NBAS: variants seen among roughly 807,000 people sequenced by gnomAD.
NBAS encodes NAG/BC035112 fusion.
Under a neutral mutation model 302.5 loss-of-function variants are expected in NBAS, and 219 were observed. The observed-to-expected ratio is 0.72, with a 90% CI of 0.65 to 0.81. The LOEUF is 0.81. Among genes scored for constraint, NBAS ranks in the 30% least tolerant of loss-of-function variants. NBAS has a pLI of 0.00. For missense variants in NBAS, 2,932 were observed against 2,841.6 expected, an observed-to-expected ratio of 1.03 and a Z score of -0.72; for synonymous variants, 1,118 against 1,021.6, an observed-to-expected ratio of 1.09 and a Z score of -1.80.
downstream of NBAS, among the ~76,000 whole-genome samples, chr2:15,163,548 T>C (rs1050007431): frequency 2.0e-5 from 3 of 152,192 alleles, no homozygotes; most frequent in African/African-American, 7.2e-5. Flanking sequence ...TTCTGATATG[T>C]AGTCATGACT....
rs193300002 is a variant in NBAS, at chr2:15,404,068, C to A, written c.2938-1767G>T. Among the ~76,000 whole-genome samples, 162 of 152,048 alleles carry A rather than the reference C, an allele frequency of 1.1e-3. 1 individual carries two copies. Among genetic ancestry groups the A allele is most frequent in the African/African-American group, 3.6e-3 (150 of 41,472 alleles). Reference sequence around the variant, plus strand: ...CTGATTTCTTATTGTGTGCCAGGTACCATTTCTAAGTGTTTTGTGTGCACT... The same window carrying A: ...CTGATTTCTTATTGTGTGCCAGGTAACATTTCTAAGTGTTTTGTGTGCACT... On this transcript the variant is annotated intron_variant, in intron 25 of 51. Coordinates refer to ENST00000281513, the MANE Select transcript of NBAS (RefSeq NM_015909.4).
chr2:15,400,567 T>C (rs1205278103), intron 26 of NBAS, among the ~76,000 whole-genome samples: 4 of 151,990 alleles, frequency 2.6e-5, no homozygotes, highest in Non-Finnish European at 4.4e-5. Flanking sequence ...TTAAAGGAGG[T>C]AGGCAAAGAC....
At chr2:15,451,051 CATTT>C (rs1459763924) in intron 21 of NBAS, among the ~76,000 whole-genome samples, 1 of 151,778 alleles carries the variant, frequency 6.6e-6, no homozygotes, top group Non-Finnish European at 1.5e-5. Flanking sequence ...TTCATTCATC[CATTT>C]ATTTATTTAT....
intron 11 of NBAS, among the ~76,000 whole-genome samples, chr2:15,500,361 T>C (rs529922290): frequency 6.6e-6 from 1 of 152,244 alleles, no homozygotes; most frequent in East Asian, 1.9e-4. Context: ...AAGTATTTAT[T>C]GAATATTATA....
At chr2:15,199,126 C>CAA (rs71400641) in intron 48 of NBAS, among the ~76,000 whole-genome samples, 21,126 of 74,782 alleles carry the variant, frequency 0.28, 3,214 homozygotes, top group East Asian at 0.63. Flanking sequence ...GACTCCATCT[C>CAA]AAAAAAAAAA....
intron 24 of NBAS, among the ~76,000 whole-genome samples, chr2:15,416,737 T>C (rs1348952450): frequency 1.4e-5 from 2 of 146,382 alleles, no homozygotes; most frequent in Non-Finnish European, 3.0e-5. Flanking sequence ...ACCCAGGAGA[T>C]GGAGGTTACA....
chr2:15,400,407 T>C (rs543105430), intron 26 of NBAS, among the ~76,000 whole-genome samples: 1 of 152,230 alleles, frequency 6.6e-6, no homozygotes, highest in Admixed American at 6.5e-5. Context: ...AGTTCCGCAG[T>C]ATAAACAATA....
chr2:15,013,673 A>G, the NBAS span, among the ~76,000 whole-genome samples: 3 of 152,144 alleles, frequency 2.0e-5, no homozygotes, highest in Middle Eastern at 3.4e-3. Flanking sequence ...AATCTCATCT[A>G]CTCAGGAGGC....
At chr2:15,289,428 T>C (rs999122060) in intron 41 of NBAS, among the ~76,000 whole-genome samples, 1 of 152,182 alleles carries the variant, frequency 6.6e-6, no homozygotes, top group Non-Finnish European at 1.5e-5. Context: ...AAGTATTTAT[T>C]TGAGTACCTA....
At chr2:15,333,554 T>C (rs1672444819) in intron 35 of NBAS, among the ~76,000 whole-genome samples, 1 of 152,114 alleles carries the variant, frequency 6.6e-6, no homozygotes, top group Admixed American at 6.6e-5. Flanking sequence ...GCGACTGAAT[T>C]GAGGTAGTGA....
intron 50 of NBAS, among the ~76,000 whole-genome samples, chr2:15,184,225 T>C (rs1211557998): frequency 6.6e-6 from 1 of 151,962 alleles, no homozygotes; most frequent in African/African-American, 2.4e-5. Flanking sequence ...TCCCTATAGG[T>C]CGTTTTGGCC....
intron 35 of NBAS, among the ~76,000 whole-genome samples, chr2:15,334,544 A>C (rs1302896588): frequency 2.0e-5 from 3 of 152,188 alleles, no homozygotes; most frequent in Non-Finnish European, 2.9e-5. Context: ...GGATTTTGAC[A>C]CGCTGGCAAT....
the NBAS span, among the ~76,000 whole-genome samples, chr2:14,975,292 T>C: frequency 1.3e-5 from 2 of 152,214 alleles, no homozygotes; most frequent in Non-Finnish European, 2.9e-5. Context: ...CAAGTTTAAA[T>C]TGTGGGTGTT....
At chr2:15,188,858 G>A (rs1226033467) in intron 49 of NBAS, among the ~76,000 whole-genome samples, 1 of 152,190 alleles carries the variant, frequency 6.6e-6, no homozygotes, top group Non-Finnish European at 1.5e-5. Context: ...GGGTTAAGAA[G>A]AAATCTACAA....
At chr2:14,847,357 T>TG in the NBAS span, among the ~76,000 whole-genome samples, 2 of 121,964 alleles carry the variant, frequency 1.6e-5, no homozygotes, top group African/African-American at 6.4e-5. Context: ...CACTCCAGCC[T>TG]CGTCAACAGA....
chr2:15,042,963 A>C, the NBAS span, among the ~76,000 whole-genome samples: 34 of 152,224 alleles, frequency 2.2e-4, no homozygotes, highest in Non-Finnish European at 4.3e-4. Flanking sequence ...AGGCAGCCAT[A>C]CACAACAACA....
At chr2:15,466,459 C>T (rs151106607) in intron 19 of NBAS, among the ~76,000 whole-genome samples, 49 of 152,288 alleles carry the variant, frequency 3.2e-4, no homozygotes, top group Admixed American at 7.2e-4. Context: ...CTTCCACTTA[C>T]GCTTTTAACA....
intron 4 of NBAS, among the ~76,000 whole-genome samples, chr2:15,553,845 T>G (rs1664506587): frequency 2.1e-5 from 2 of 96,064 alleles, no homozygotes; most frequent in South Asian, 4.1e-4. Context: ...TCTCTCCCTC[T>G]TCCTCTCTCC....
chr2:15,543,592 G>C (rs1418053879), intron 6 of NBAS, among the ~76,000 whole-genome samples: 1 of 152,170 alleles, frequency 6.6e-6, no homozygotes, highest in Admixed American at 6.5e-5. Flanking sequence ...AGGCAAGGAG[G>C]AGCAAGACCC....
Sources: allele counts gnomAD v4.1 joint callset (sites outside exome capture counted in the v4.1 genomes callset), GRCh38; gene constraint gnomAD v4.1.1; transcripts MANE v1.5; gene names NCBI Gene and HGNC (gene_info 2026-07-23, HGNC 2026-07-21).